Variants in STK3 observed in about 807,000 individuals in gnomAD.
The protein encoded by STK3 is serine/threonine-protein kinase 3.
A neutral mutation model predicts 58.0 loss-of-function variants in STK3; 41 were observed. The ratio of observed to expected loss-of-function variants is 0.71; its 90% CI spans 0.55 to 0.92. STK3 has a LOEUF of 0.92. Ranked by LOEUF, STK3 falls within the 40% of genes least tolerant of loss-of-function variation. The pLI is 0.00. For synonymous variants in STK3, 170 were observed against 191.0 expected, an observed-to-expected ratio of 0.89 and a Z score of 0.91; for missense variants, 479 against 602.7, an observed-to-expected ratio of 0.79 and a Z score of 2.15.
chr8:98,480,837 C>G (rs1821791492), intron 10 of STK3, among the ~76,000 whole-genome samples: 1 of 152,128 alleles, frequency 6.6e-6, no homozygotes, highest in African/African-American at 2.4e-5. Context: ...GCTCTTGCCT[C>G]AAAATTGGTG....
intron 1 of STK3, among the ~76,000 whole-genome samples, chr8:98,912,313 G>A (rs1341129187): frequency 6.6e-6 from 1 of 152,120 alleles, no homozygotes; most frequent in Non-Finnish European, 1.5e-5. Flanking sequence ...GGGAGGAGGA[G>A]GTGGCAGTGA....
At chr8:98,846,073 G>A (rs548175396) in intron 3 of STK3, among the ~76,000 whole-genome samples, 1 of 152,300 alleles carries the variant, frequency 6.6e-6, no homozygotes, top group East Asian at 1.9e-4. Context: ...CTGTGCTGCT[G>A]GAATAGCCAC....
At chr8:98,940,078 G>C (rs556725838) in intron 1 of STK3, among the ~76,000 whole-genome samples, 3 of 152,174 alleles carry the variant, frequency 2.0e-5, no homozygotes, top group Non-Finnish European at 2.9e-5. Context: ...TGGAGTCACC[G>C]GAAGGCGAAA....
At chr8:98,921,563 T>C (rs1839564130) in intron 1 of STK3, 1 of 152,186 alleles carries the variant, frequency 6.6e-6, no homozygotes, top group Non-Finnish European at 1.5e-5. Context: ...ATATGTTGAA[T>C]CTTTAATGTT....
intron 6 of STK3, among the ~76,000 whole-genome samples, chr8:98,655,464 C>T (rs539256956): frequency 2.3e-4 from 35 of 152,210 alleles, no homozygotes; most frequent in African/African-American, 5.3e-4. Context: ...GCAATGGCAA[C>T]GAAAGCCAAA....
intron 4 of STK3, among the ~76,000 whole-genome samples, chr8:98,707,673 G>T (rs1450234637): frequency 1.3e-5 from 2 of 151,836 alleles, no homozygotes; most frequent in Admixed American, 1.3e-4. Flanking sequence ...CCAAAGTGTT[G>T]GGATTATAGG....
At chr8:98,908,756 C>G (rs1424324800) in intron 1 of STK3, among the ~76,000 whole-genome samples, 1 of 150,450 alleles carries the variant, frequency 6.6e-6, no homozygotes, top group Non-Finnish European at 1.5e-5. Flanking sequence ...GGCAGGAGAA[C>G]CCCTTGAACC....
intron 6 of STK3, among the ~76,000 whole-genome samples, chr8:98,664,529 T>A (rs185292813): frequency 2.0e-5 from 3 of 152,378 alleles, no homozygotes; most frequent in Non-Finnish European, 4.4e-5. Flanking sequence ...TTCTACGTTT[T>A]AAGCAGATTG....
chr8:98,475,944 C>T (rs906762169), intron 10 of STK3, among the ~76,000 whole-genome samples: 6 of 152,168 alleles, frequency 3.9e-5, no homozygotes, highest in African/African-American at 7.2e-5. Context: ...TAATCAAATA[C>T]GGTAAGCAGA....
intron 4 of STK3, among the ~76,000 whole-genome samples, 163 bp downstream of exon 4, chr8:98,749,113 A>T (rs1163341306): frequency 6.6e-6 from 1 of 152,000 alleles, no homozygotes; most frequent in Non-Finnish European, 1.5e-5. Context: ...TTACAGAAAG[A>T]TATGTGGCTG....
intron 1 of STK3, among the ~76,000 whole-genome samples, chr8:98,445,604 C>T (rs962455075): frequency 6.6e-6 from 1 of 152,016 alleles, no homozygotes; most frequent in Non-Finnish European, 1.5e-5. Context: ...ATGCATCCTT[C>T]TTTGTAAATT....
chr8:98,597,387 T>C (rs1306352558), intron 6 of STK3: 7 of 984,638 alleles, frequency 7.1e-6, no homozygotes, highest in Non-Finnish European at 8.4e-6. Flanking sequence ...TTTAATAGAT[T>C]AGAATATTTT....
chr8:98,835,320 A>C (rs910204747), intron 3 of STK3, among the ~76,000 whole-genome samples: 3 of 152,140 alleles, frequency 2.0e-5, no homozygotes, highest in African/African-American at 7.2e-5. Flanking sequence ...ATTTTTCTTT[A>C]CCAGATGGCA....
intron 1 of STK3, 88 bp from the exon 2 acceptor site, chr8:98,774,907 AATTTT>A (rs1188010114): frequency 3.4e-6 from 3 of 889,776 alleles, no homozygotes; most frequent in East Asian, 5.7e-5. Flanking sequence ...CCAAGTTTTT[AATTTT>A]ATTTTAATAT....
At chr8:98,658,138 C>T (rs1365356535) in intron 6 of STK3, among the ~76,000 whole-genome samples, 8 of 151,940 alleles carry the variant, frequency 5.3e-5, no homozygotes. Flanking sequence ...TGTATGATGG[C>T]ATGAGCACAG....
chr8:98,734,254 T>C (rs568308079), intron 4 of STK3, among the ~76,000 whole-genome samples: 1 of 152,260 alleles, frequency 6.6e-6, no homozygotes, highest in African/African-American at 2.4e-5. Context: ...CCATATCAAC[T>C]GACAAGTAAA....
In STK3 at chr8:98,598,742, C is replaced by T. The variant is rs1816048717; in HGVS notation, c.685-2573G>A. 4 of 985,282 alleles carry T rather than the reference C, an allele frequency of 4.1e-6. No homozygotes were observed. The South Asian group carries it at 1.9e-4, about 46-fold the overall frequency. 61.0% of individuals were successfully genotyped at this position (985,282 alleles called of 1,614,324 possible). ...ATTACAGCCATATAATTTATCTTAT[C>T]TCTAACACCATTTTGATTGAAGAAT... On this transcript the variant is annotated intron_variant, in intron 6 of 10. Transcript: ENST00000419617.
At chr8:98,554,900 T>C (rs1811479485) in intron 8 of STK3, among the ~76,000 whole-genome samples, 1 of 152,138 alleles carries the variant, frequency 6.6e-6, no homozygotes, top group African/African-American at 2.4e-5. Flanking sequence ...TTCAAAATTA[T>C]ATTTCACTTA....
chr8:98,590,902 T>C (rs1054102956), intron 7 of STK3, among the ~76,000 whole-genome samples: 7 of 152,186 alleles, frequency 4.6e-5, no homozygotes, highest in Non-Finnish European at 7.4e-5. Flanking sequence ...AAAACATACA[T>C]GTTTTATCAT....
Sources: gnomAD v4.1 joint callset for allele counts (sites outside exome capture counted in the v4.1 genomes callset) on GRCh38, gnomAD v4.1.1 for gene constraint, MANE v1.5 for transcripts, NCBI Gene and HGNC (gene_info 2026-07-23, HGNC 2026-07-21) for gene names.